The following ME3 variants were observed in gnomAD, a reference collection of about 807,000 sequenced individuals.
The protein encoded by ME3 is malic enzyme 3, also known as NADP-dependent malic enzyme, mitochondrial.
Under a neutral mutation model 68.9 loss-of-function variants are expected in ME3, and 48 were observed. That is an observed-to-expected ratio of 0.70 (90% CI 0.55 to 0.89). The LOEUF (loss-of-function observed/expected upper bound fraction) is 0.89. Among genes scored for constraint, ME3 ranks in the 40% least tolerant of loss-of-function variants. The pLI is 0.00. For missense variants in ME3, 675 were observed against 797.4 expected, an observed-to-expected ratio of 0.85 and a Z score of 1.85; for synonymous variants, 320 against 318.8, an observed-to-expected ratio of 1.00 and a Z score of -0.04.
At chr11:86,455,128 G>A (rs1031796018) in intron 8 of ME3, among the ~76,000 whole-genome samples, 3 of 152,230 alleles carry the variant, frequency 2.0e-5, no homozygotes, top group African/African-American at 7.2e-5. Context: ...CAGGGCTAAG[G>A]ATACTGGGAC....
chr11:86,531,048 A>G (rs947943806), intron 4 of ME3, among the ~76,000 whole-genome samples: 5 of 152,212 alleles, frequency 3.3e-5, no homozygotes, highest in Non-Finnish European at 7.4e-5. Flanking sequence ...AACTACCATC[A>G]GAGTGAACAG....
intron 4 of ME3, among the ~76,000 whole-genome samples, chr11:86,536,905 G>C (rs1955703152): frequency 1.3e-5 from 2 of 152,052 alleles, no homozygotes; most frequent in Non-Finnish European, 2.9e-5. Context: ...AACAATGATA[G>C]ACTGGATTAA....
At chr11:86,466,133 G>A (rs1950467915) in intron 7 of ME3, among the ~76,000 whole-genome samples, 1 of 152,174 alleles carries the variant, frequency 6.6e-6, no homozygotes, top group Admixed American at 6.5e-5. Flanking sequence ...CTGTAAGGAA[G>A]CTGAGAGTGA....
chr11:86,536,570 T>G (rs1297432283), intron 4 of ME3, among the ~76,000 whole-genome samples: 3 of 140,470 alleles, frequency 2.1e-5, no homozygotes, highest in East Asian at 4.0e-4. Flanking sequence ...GAAATGCAAA[T>G]CAAAACCACA....
At chr11:86,444,666 G>A (rs1197359737) in intron 13 of ME3, among the ~76,000 whole-genome samples, 1 of 152,172 alleles carries the variant, frequency 6.6e-6, no homozygotes, top group Non-Finnish European at 1.5e-5. Context: ...CAAGACCAGC[G>A]ATCTTGAGCA....
At chr11:86,522,460 G>A (rs1954396828) in intron 4 of ME3, among the ~76,000 whole-genome samples, 1 of 150,834 alleles carries the variant, frequency 6.6e-6, no homozygotes, top group African/African-American at 2.4e-5. Context: ...CTGTCAACCT[G>A]TCATCTAGGT....
rs534017004 is a variant in ME3 at position 86,445,433 on chromosome 11, C to T, written c.1554+881G>A. 1.3e-5 allele frequency among the ~76,000 whole-genome samples: 2 copies of T among 152,344 alleles called. 1 individual carries two copies. Among genetic ancestry groups the T allele is most frequent in the South Asian group, 4.1e-4 (2 of 4,826 alleles). ...CTGTGTGGAAGCCATACCCATGTCT[C>T]ATTGGTTTCAGGCTTTCACCAGTGC... On this transcript the variant is annotated intron_variant, in intron 13 of 14. Coordinates refer to ENST00000543262, the Ensembl canonical transcript of ME3.
chr11:86,504,167 G>T (rs997936513), intron 5 of ME3, among the ~76,000 whole-genome samples: 1 of 151,988 alleles, frequency 6.6e-6, no homozygotes, highest in African/African-American at 2.4e-5. Context: ...TGATTCAGAG[G>T]CTCCTCTGAA....
At chr11:86,441,431 A>G (rs1375610976) in exon 15 of ME3, 2 of 1,588,344 alleles carry the variant, frequency 1.3e-6, no homozygotes, top group South Asian at 2.3e-5. Context: ...TTGTACGCGT[A>G]GTCGAGAACC....
chr11:86,574,986 G>T lies in ME3; in HGVS notation c.184-15163C>A, dbSNP rs908857302. Among the ~76,000 whole-genome samples, 3 of 118,504 alleles carry T rather than the reference G, an allele frequency of 2.5e-5. 1 individual carries two copies. The highest frequency in any genetic ancestry group is 1.2e-4 in the African/African-American group (3 of 25,376). The allele number at this position is 118,504 out of a possible 152,430, so 77.7% of individuals were successfully genotyped here. ...CACTGGCAGCTTGCAACCCTGACAG[G>T]TTGTCCAGCCTGGGCAGGGGCCAAC... On this transcript the variant is annotated intron_variant, in intron 2 of 14. Coordinates refer to ENST00000543262, the Ensembl canonical transcript of ME3.
At chr11:86,447,633 A>G (rs1272849639) in intron 11 of ME3, among the ~76,000 whole-genome samples, 2 of 152,150 alleles carry the variant, frequency 1.3e-5, no homozygotes, top group Middle Eastern at 3.4e-3. Context: ...GGGTGGGTAC[A>G]GATCACCTGA....
At chr11:86,651,290 T>C (rs185745925) in intron 2 of ME3, among the ~76,000 whole-genome samples, 2 of 152,358 alleles carry the variant, frequency 1.3e-5, no homozygotes, top group Non-Finnish European at 2.9e-5. Flanking sequence ...ATGGACAGAC[T>C]GCCTCCTCAA....
intron 2 of ME3, among the ~76,000 whole-genome samples, chr11:86,658,719 G>A (rs1946083845): frequency 6.6e-6 from 1 of 151,982 alleles, no homozygotes; most frequent in African/African-American, 2.4e-5. Context: ...GGCACCACCT[G>A]GCCAGCTGCC....
intron 2 of ME3, among the ~76,000 whole-genome samples, chr11:86,626,944 T>C (rs1943703137): frequency 1.3e-5 from 2 of 152,234 alleles, no homozygotes; most frequent in African/African-American, 2.4e-5. Flanking sequence ...TGGTATATTT[T>C]CCTTGGGATC....
chr11:86,519,928 G>A (rs1032876432), intron 4 of ME3, among the ~76,000 whole-genome samples: 1 of 152,234 alleles, frequency 6.6e-6, no homozygotes, highest in African/African-American at 2.4e-5. Flanking sequence ...TGTGACTGAA[G>A]TGCGGGATGG....
chr11:86,454,386 G>A (rs1949801919), intron 8 of ME3, among the ~76,000 whole-genome samples: 1 of 152,132 alleles, frequency 6.6e-6, no homozygotes, highest in Non-Finnish European at 1.5e-5. Context: ...CAGAATGCCT[G>A]GAAATAACCT....
intron 2 of ME3, among the ~76,000 whole-genome samples, chr11:86,657,002 G>A (rs147408933): frequency 5.3e-4 from 81 of 152,266 alleles, no homozygotes; most frequent in African/African-American, 1.8e-3. Flanking sequence ...AAATAGGAAC[G>A]CTTTTATACT....
At chr11:86,601,632 C>G (rs1228695530) in intron 2 of ME3, among the ~76,000 whole-genome samples, 4 of 151,844 alleles carry the variant, frequency 2.6e-5, no homozygotes, top group Non-Finnish European at 5.9e-5. Flanking sequence ...ATACCAAAGC[C>G]GGGCAGAGAC....
chr11:86,583,414 A>G (rs150929793), intron 2 of ME3, among the ~76,000 whole-genome samples: 1 of 152,332 alleles, frequency 6.6e-6, no homozygotes, highest in Non-Finnish European at 1.5e-5. Flanking sequence ...ATGGTTATCA[A>G]ATAAAGTGAT....
Sources: allele counts gnomAD v4.1 joint callset (sites outside exome capture counted in the v4.1 genomes callset), GRCh38; gene constraint gnomAD v4.1.1; transcripts MANE v1.5; gene names NCBI Gene and HGNC (gene_info 2026-07-23, HGNC 2026-07-21).